PREX1: variants seen among roughly 807,000 people sequenced by gnomAD.
PREX1 encodes phosphatidylinositol 3,4,5-trisphosphate-dependent Rac exchanger 1 protein.
PREX1 carries 41 observed loss-of-function variants against 198.3 expected under a neutral mutation model. The observed-to-expected ratio is 0.21, with a 90% CI of 0.16 to 0.27. The LOEUF is 0.27. Ranked by LOEUF, PREX1 falls within the 10% of genes least tolerant of loss-of-function variation. PREX1 has a pLI of 1.00. For missense variants in PREX1, 1,620 were observed against 2,200.7 expected (o/e 0.74, Z 5.28); for synonymous variants, 843 against 887.2 (o/e 0.95, Z 0.89).
chr20:48,670,764 C>T (rs567637490), intron 14 of PREX1, among the ~76,000 whole-genome samples: 3 of 152,156 alleles, frequency 2.0e-5, no homozygotes, highest in Non-Finnish European at 2.9e-5. Context: ...ACTCAATCAG[C>T]GATCATTAAT....
At chr20:48,628,094 T>C (rs2089287527) in intron 37 of PREX1, 131 bp from the exon 38 acceptor site, 2 of 660,270 alleles carry the variant, frequency 3.0e-6, no homozygotes, top group South Asian at 3.8e-5. Flanking sequence ...CCAGACCCAA[T>C]CCTGACCATC....
chr20:48,760,310 T>G (rs1001096688), intron 1 of PREX1, among the ~76,000 whole-genome samples: 2 of 152,044 alleles, frequency 1.3e-5, no homozygotes, highest in African/African-American at 4.8e-5. Context: ...TTACTTATTT[T>G]TATTAGTTTT....
chr20:48,883,630 T>C, the PREX1 span, among the ~76,000 whole-genome samples: 1 of 151,978 alleles, frequency 6.6e-6, no homozygotes, highest in Non-Finnish European at 1.5e-5. Context: ...AAGCAAACAA[T>C]TCATTTTACA....
chr20:48,644,184 C>T (rs772230377), intron 27 of PREX1, among the ~76,000 whole-genome samples: 8 of 152,182 alleles, frequency 5.3e-5, no homozygotes, highest in Non-Finnish European at 8.8e-5. Context: ...TCTAAGAGGG[C>T]GGAGATGTTT....
intron 37 of PREX1, among the ~76,000 whole-genome samples, chr20:48,628,329 G>A (rs1261582349): frequency 4.6e-5 from 7 of 152,216 alleles, no homozygotes; most frequent in Admixed American, 3.3e-4. Context: ...TGGGGTTTGA[G>A]ATGGACACAT....
rs149211067 is a variant in PREX1, at chr20:48,797,643, G to A, written c.219+29999C>T. On this transcript the variant is annotated intron_variant, in intron 1 of 39. Coordinates refer to ENST00000371941, the MANE Select transcript of PREX1 (RefSeq NM_020820.4). ...AGAGAAAGAGAACGACACCCCCGTC[G>A]GTCCCCGCTTGTCACCTTCCTCAAA... 5.0e-3 allele frequency among the ~76,000 whole-genome samples: 767 copies of A among 152,154 alleles called. 3 individuals carry two copies. Among genetic ancestry groups the A allele is most frequent in the African/African-American group, 0.017 (708 of 41,492 alleles).
intron 39 of PREX1, among the ~76,000 whole-genome samples, chr20:48,627,213 T>C (rs1414685138): frequency 2.8e-5 from 1 of 35,766 alleles, no homozygotes; most frequent in South Asian, 8.2e-4. Context: ...GGGCACGGGG[T>C]GGGGGGCACA....
intron 1 of PREX1, among the ~76,000 whole-genome samples, chr20:48,807,710 G>T (rs537204356): frequency 6.6e-6 from 1 of 152,274 alleles, no homozygotes; most frequent in Non-Finnish European, 1.5e-5. Context: ...AGTGTCCTCT[G>T]GGACTGCTTG....
intron 1 of PREX1, among the ~76,000 whole-genome samples, chr20:48,754,940 A>G (rs1216468342): frequency 6.6e-6 from 1 of 152,162 alleles, no homozygotes; most frequent in Non-Finnish European, 1.5e-5. Flanking sequence ...CAATTGCCCA[A>G]TGACCCCTTC....
chr20:48,637,684 C>A (rs764081611), intron 31 of PREX1, 27 bp downstream of exon 31: 1 of 1,592,794 alleles, frequency 6.3e-7, no homozygotes, highest in South Asian at 1.1e-5. Flanking sequence ...CGGGTATGTG[C>A]CCCCCACACA....
At chr20:48,676,060 G>T in intron 14 of PREX1, 133 bp downstream of exon 14, 4 of 866,816 alleles carry the variant, frequency 4.6e-6, no homozygotes, top group Non-Finnish European at 5.4e-6. Context: ...AAAAGATCAA[G>T]ATGGTAAATT....
intron 1 of PREX1, among the ~76,000 whole-genome samples, chr20:48,799,442 T>G (rs2090376500): frequency 6.6e-6 from 1 of 152,154 alleles, no homozygotes; most frequent in South Asian, 2.1e-4. Flanking sequence ...AGTGGCATCC[T>G]AAAACGAAGA....
chr20:48,786,024 G>A (rs2090310561), intron 1 of PREX1, among the ~76,000 whole-genome samples: 1 of 152,182 alleles, frequency 6.6e-6, no homozygotes, highest in African/African-American at 2.4e-5. Context: ...AAGACAGTGG[G>A]GCCTGAGCGG....
At chr20:48,790,641 A>T (rs1350519040) in intron 1 of PREX1, among the ~76,000 whole-genome samples, 1 of 152,190 alleles carries the variant, frequency 6.6e-6, no homozygotes, top group Non-Finnish European at 1.5e-5. Flanking sequence ...AATATGCTGA[A>T]GAGAAGAAAG....
At chr20:48,694,086 AT>A (rs2089833536) in intron 7 of PREX1, among the ~76,000 whole-genome samples, 1 of 151,614 alleles carries the variant, frequency 6.6e-6, no homozygotes, top group Non-Finnish European at 1.5e-5. Flanking sequence ...TAATTTTTGT[AT>A]TTTTAGTAGA....
the PREX1 span, among the ~76,000 whole-genome samples, chr20:48,863,142 T>C: frequency 6.6e-6 from 1 of 152,288 alleles, no homozygotes; most frequent in East Asian, 1.9e-4. Flanking sequence ...CTTTATTTTT[T>C]CAGAGAATTT....
chr20:48,727,765 C>T (rs1161382476), intron 4 of PREX1, among the ~76,000 whole-genome samples: 8 of 152,160 alleles, frequency 5.3e-5, no homozygotes, highest in African/African-American at 1.9e-4. Flanking sequence ...CAAGGCCATC[C>T]CTGCCACCCA....
intron 1 of PREX1, among the ~76,000 whole-genome samples, chr20:48,762,930 G>A (rs1357080472): frequency 4.6e-5 from 7 of 152,080 alleles, no homozygotes; most frequent in East Asian, 3.9e-4. Context: ...CTCAAACTAC[G>A]GACCTCAGGT....
At chr20:48,835,745 T>C in the PREX1 span, among the ~76,000 whole-genome samples, 3 of 152,144 alleles carry the variant, frequency 2.0e-5, no homozygotes, top group Non-Finnish European at 4.4e-5. Flanking sequence ...GGCTTTTTCT[T>C]TGGATGAACT....
Sources: gnomAD v4.1 joint callset for allele counts (sites outside exome capture counted in the v4.1 genomes callset) on GRCh38, gnomAD v4.1.1 for gene constraint, MANE v1.5 for transcripts, NCBI Gene and HGNC (gene_info 2026-07-23, HGNC 2026-07-21) for gene names.